Variants in EEA1 observed in about 807,000 individuals in gnomAD.
EEA1 encodes early endosome antigen 1, also known as early endosome antigen 1, 162kD.
A neutral mutation model predicts 209.2 loss-of-function variants in EEA1; 111 were observed. The observed-to-expected ratio is 0.53, with a 90% confidence interval of 0.45 to 0.62. The LOEUF (loss-of-function observed/expected upper bound fraction) is 0.62, where lower values mean the gene tolerates loss of function less well. EEA1 is among the 20% of genes least tolerant of loss of function. The pLI, the probability that EEA1 is intolerant of heterozygous loss-of-function variation, is 0.00. For synonymous variants in EEA1, 536 were observed against 540.6 expected, an observed-to-expected ratio of 0.99 and a Z score of 0.12; for missense variants, 1,343 against 1,530.8, an observed-to-expected ratio of 0.88 and a Z score of 2.05.
intron 3 of EEA1, among the ~76,000 whole-genome samples, chr12:92,863,879 C>G (rs1208886069): frequency 1.3e-5 from 2 of 152,166 alleles, no homozygotes; most frequent in East Asian, 1.9e-4. Context: ...ATATACTGGA[C>G]ACAGTCTAAT....
Position 92,782,138 on chromosome 12 carries a change from T to TA in EEA1, c.3151-4dup. The TA allele has an allele frequency of 6.3e-7, 1 of 1,587,544 alleles. No individual in the cohort carries two copies. The highest frequency in any genetic ancestry group is 8.6e-7 in the Non-Finnish European group (1 of 1,166,592). On this transcript the variant is annotated splice_polypyrimidine_tract_variant and splice_region_variant and intron_variant, in intron 22 of 28. Transcript: ENST00000322349. ...AGAGAAAGCTTCTCTTCTACAGACT[T>TA]ACAAAAACAATTTTCCCAAATTATT... is the stretch of plus-strand genomic sequence containing the variant.
chr12:92,830,206 G>A (rs984878734), intron 11 of EEA1, among the ~76,000 whole-genome samples: 2 of 152,014 alleles, frequency 1.3e-5, no homozygotes, highest in Non-Finnish European at 2.9e-5. Flanking sequence ...GGATACATGT[G>A]CAGGTTTGTT....
intron 1 of EEA1, among the ~76,000 whole-genome samples, chr12:92,905,986 G>C (rs1268150112): frequency 6.6e-6 from 1 of 151,954 alleles, no homozygotes; most frequent in East Asian, 1.9e-4. Flanking sequence ...GCTCATCGTA[G>C]CCTCAAATTT....
At chr12:92,842,820 G>T (rs772536692) in intron 9 of EEA1, among the ~76,000 whole-genome samples, 9 of 151,952 alleles carry the variant, frequency 5.9e-5, no homozygotes, top group Non-Finnish European at 1.2e-4. Context: ...TGAAAATCTG[G>T]CATCCTACTT....
At chr12:92,911,160 C>A (rs1880568615) in intron 1 of EEA1, among the ~76,000 whole-genome samples, 1 of 151,878 alleles carries the variant, frequency 6.6e-6, no homozygotes, top group South Asian at 2.1e-4. Context: ...CTAAAAACTT[C>A]TGTCCACACC....
intron 1 of EEA1, among the ~76,000 whole-genome samples, chr12:92,892,548 T>C (rs1358206451): frequency 1.3e-5 from 1 of 79,384 alleles, no homozygotes; most frequent in Non-Finnish European, 2.5e-5. Context: ...TGACAATGCT[T>C]TCTCTTTTCT....
rs1347398957 is a variant in EEA1 at position 92,798,842 on chromosome 12, T to G, written c.2967+50A>C. The G allele has an allele frequency of 3.5e-6, 5 of 1,410,590 alleles. No individual in the cohort carries two copies. The African/African-American group carries it at 7.2e-5, about 20-fold the overall frequency. 87.4% of individuals were successfully genotyped at this position (1,410,590 alleles called of 1,614,324 possible). On this transcript the variant is annotated intron_variant, in intron 21 of 28. Transcript: ENST00000322349. ...CTGTATTAATCATCATACTATTTTCTTAATTGCCAAGTTTTTCTTCCTATA... is the reference window on the plus strand; with the variant it reads ...CTGTATTAATCATCATACTATTTTCGTAATTGCCAAGTTTTTCTTCCTATA...
chr12:92,868,125 G>A (rs894018518), intron 2 of EEA1, among the ~76,000 whole-genome samples: 4 of 152,204 alleles, frequency 2.6e-5, no homozygotes, highest in Non-Finnish European at 5.9e-5. Context: ...GCAAACGGTA[G>A]TATTGAGGAT....
At chr12:92,852,536 A>C (rs1397089292) in intron 7 of EEA1, among the ~76,000 whole-genome samples, 1 of 152,058 alleles carries the variant, frequency 6.6e-6, no homozygotes, top group Non-Finnish European at 1.5e-5. Context: ...TTAATCACAT[A>C]TTTTACCTAA....
chr12:92,868,882 C>T (rs889115996), intron 2 of EEA1, among the ~76,000 whole-genome samples: 2 of 152,132 alleles, frequency 1.3e-5, no homozygotes, highest in Middle Eastern at 3.4e-3. Flanking sequence ...TTCTGGCAAG[C>T]CTCTTTAATT....
chr12:92,879,324 G>C lies in EEA1; in HGVS notation c.117+12305C>G, dbSNP rs1203759073. The C allele has an allele frequency of 6.7e-6, 3 of 445,464 alleles. No homozygotes were observed. The Admixed American group carries it at 7.3e-5, about 11-fold the overall frequency. 27.6% of individuals were successfully genotyped at this position (445,464 alleles called of 1,614,324 possible). On this transcript the variant is annotated intron_variant, in intron 2 of 28. Coordinates refer to ENST00000322349, the MANE Select transcript of EEA1 (RefSeq NM_003566.4). ...CGGCACTCAAGTTTGGAATTTTGCA[G>C]CATTTCGGATTTTGAATTTTCAGAT...
chr12:92,881,533 G>T (rs1463976859), intron 2 of EEA1, among the ~76,000 whole-genome samples: 1 of 152,170 alleles, frequency 6.6e-6, no homozygotes, highest in Non-Finnish European at 1.5e-5. Context: ...AACACCAGAA[G>T]AGAGGTATCA....
At chr12:92,879,502 G>A in intron 2 of EEA1, 1 of 237,710 alleles carries the variant, frequency 4.2e-6, no homozygotes, top group Non-Finnish European at 8.5e-6. Flanking sequence ...ATAGATGTGG[G>A]AAAAGCATTT....
chr12:92,869,812 G>A lies in EEA1; in HGVS notation c.118-4825C>T, dbSNP rs754117233. Among the ~76,000 whole-genome samples, 4 of 135,280 alleles carry A rather than the reference G, an allele frequency of 3.0e-5. No homozygotes were observed. In the East Asian group the frequency reaches 6.5e-4, roughly 22 times the overall value. 88.7% of individuals were successfully genotyped at this position (135,280 alleles called of 152,430 possible). A position where few individuals can be genotyped will look rare whatever the true frequency, so the allele number is the denominator to read the frequency against. On this transcript the variant is annotated intron_variant, in intron 2 of 28. Coordinates refer to ENST00000322349, the MANE Select transcript of EEA1 (RefSeq NM_003566.4). ...AAGGAAAGCCCTTATTTTAAGTGCA[G>A]AGTAGGTGAGATTATTACTTTTGAT...
chr12:92,790,806 C>T (rs1158066950), intron 21 of EEA1, among the ~76,000 whole-genome samples: 4 of 152,076 alleles, frequency 2.6e-5, no homozygotes, highest in African/African-American at 9.7e-5. Context: ...AGAGCAACTC[C>T]AAGACACATA....
intron 11 of EEA1, among the ~76,000 whole-genome samples, chr12:92,831,950 G>A (rs1008860286): frequency 5.3e-5 from 8 of 150,956 alleles, no homozygotes; most frequent in Non-Finnish European, 5.9e-5. Context: ...AGCCGGGCGC[G>A]GTGGCGGGCG....
chr12:92,862,945 G>A (rs867652556), intron 3 of EEA1, among the ~76,000 whole-genome samples: 3 of 152,268 alleles, frequency 2.0e-5, no homozygotes, highest in Admixed American at 1.3e-4. Context: ...TTTTCAAAAT[G>A]TCAATGATGA....
chr12:92,779,424 A>G (rs1429068170), intron 24 of EEA1, 124 bp from the exon 25 acceptor site: 6 of 840,322 alleles, frequency 7.1e-6, no homozygotes, highest in Non-Finnish European at 1.0e-5. Flanking sequence ...TGAAATTCTT[A>G]AAGTTCAGTA....
rs2136640035 is a variant in EEA1, at chr12:92,770,801, A to G, written c.*5210T>C. 6.6e-6 allele frequency: 1 copy of G among 151,784 alleles called. No homozygotes were observed. Among genetic ancestry groups the G allele is most frequent in the African/African-American group, 2.4e-5 (1 of 41,388 alleles). The allele number at this position is 151,784 out of a possible 1,614,324, so 9.4% of individuals were successfully genotyped here. A position where few individuals can be genotyped will look rare whatever the true frequency, so the allele number is the denominator to read the frequency against. The stretch of plus-strand genomic sequence containing the variant: ...CTCTAACGTGGAAGTAGAAAATCCC[A>G]AAGACTAAATTCCATTACTTTAAGA... On this transcript the variant is annotated 3_prime_UTR_variant, in exon 29 of 29. Transcript: ENST00000322349.
Sources: gnomAD v4.1 joint callset for allele counts (sites outside exome capture counted in the v4.1 genomes callset) on GRCh38, gnomAD v4.1.1 for gene constraint, MANE v1.5 for transcripts, NCBI Gene and HGNC (gene_info 2026-07-23, HGNC 2026-07-21) for gene names.